TTC7A: variants seen among roughly 807,000 people sequenced by gnomAD.
TTC7A encodes tetratricopeptide repeat protein 7A.
In TTC7A, 110 loss-of-function variants were observed where a neutral mutation model predicts 103.7. The ratio of observed to expected loss-of-function variants is 1.06; its 90% CI spans 0.91 to 1.24. TTC7A has a LOEUF of 1.24. Ranked by LOEUF, TTC7A falls within the 50% of genes most tolerant of loss-of-function variation. The pLI is 0.00. For missense variants in TTC7A, 1,340 were observed against 1,116.3 expected (o/e 1.20, Z -2.86); for synonymous variants, 521 against 467.9 (o/e 1.11, Z -1.47).
In TTC7A at chr2:47,012,223, C is replaced by A. The variant is rs112701300; in HGVS notation, c.1392+788C>A. On this transcript the variant is annotated intron_variant, in intron 11 of 19. Transcript: ENST00000319190. ...CAATGGGGCCTCTGTGCAGGTATCTCTTCCGACTGGGGGCCCACTTCTGGA... is the reference window on the plus strand; with the variant it reads ...CAATGGGGCCTCTGTGCAGGTATCTATTCCGACTGGGGGCCCACTTCTGGA... Among the ~76,000 whole-genome samples the A allele has an allele frequency of 2.0e-3, 300 of 152,382 alleles. 1 individual carries two copies. Among genetic ancestry groups the A allele is most frequent in the African/African-American group, 6.8e-3 (284 of 41,604 alleles).
rs1019441985 is a variant in TTC7A at position 47,069,019 on chromosome 2, G to T, written c.2356-4683G>T. 2.6e-5 allele frequency among the ~76,000 whole-genome samples: 4 copies of T among 152,030 alleles called. No homozygotes were observed. In the East Asian group the frequency reaches 7.7e-4, roughly 29 times the overall value. ...CCCAGAGAGGGGACCTTCTGTGACT[G>T]GGCCCCCTTCTCACTCCCCATCACG... is the stretch of plus-strand genomic sequence containing the variant. On this transcript the variant is annotated intron_variant, in intron 19 of 19. Coordinates refer to ENST00000319190, the MANE Select transcript of TTC7A (RefSeq NM_020458.4).
At chr2:47,072,134 C>T (rs953555705) in intron 19 of TTC7A, among the ~76,000 whole-genome samples, 16 of 152,216 alleles carry the variant, frequency 1.1e-4, no homozygotes, top group Admixed American at 3.3e-4. Flanking sequence ...AGGCCTGGTG[C>T]CCTGCTGGCC....
rs921422469 is a variant in TTC7A, at chr2:46,944,061, CT to C, written c.184+2338del. ...TCACCACCCAACCAGGGGTAAGGTG[CT>C]TGCTACTGTCTCCTCACTCACATCC... is the stretch of plus-strand genomic sequence containing the variant. On this transcript the variant is annotated intron_variant, in intron 1 of 19. Coordinates refer to ENST00000319190, the MANE Select transcript of TTC7A (RefSeq NM_020458.4). 1.9e-3 allele frequency among the ~76,000 whole-genome samples: 288 copies of C among 152,228 alleles called. 2 individuals carry two copies. Among genetic ancestry groups the C allele is most frequent in the African/African-American group, 6.6e-3 (275 of 41,518 alleles).
intron 2 of TTC7A, among the ~76,000 whole-genome samples, chr2:46,923,621 A>T (rs1669225810): frequency 6.6e-6 from 1 of 152,162 alleles, no homozygotes; most frequent in South Asian, 2.1e-4. Flanking sequence ...ACCAGGTGTG[A>T]TGGTTCATGC....
intron 11 of TTC7A, among the ~76,000 whole-genome samples, chr2:47,014,251 G>T (rs1678391812): frequency 6.6e-6 from 1 of 152,154 alleles, no homozygotes; most frequent in African/African-American, 2.4e-5. Flanking sequence ...CCTACATATA[G>T]TAGGTGCTAT....
At chr2:47,046,669 G>A in intron 16 of TTC7A, 1 of 512,864 alleles carries the variant, frequency 1.9e-6, no homozygotes, top group South Asian at 2.5e-5. Context: ...GTGGTAAGAA[G>A]GAAGAGAAAT....
intron 19 of TTC7A, chr2:47,068,622 G>A (rs1684382199): frequency 6.6e-6 from 1 of 151,748 alleles, no homozygotes. Flanking sequence ...GGGGTATGAG[G>A]GTGTGTCCCC....
chr2:46,932,020 A>C lies in TTC7A; in HGVS notation c.82+14743A>C, dbSNP rs890074037. Among the ~76,000 whole-genome samples, 6 of 152,226 alleles carry C rather than the reference A, an allele frequency of 3.9e-5. No individual in the cohort carries two copies. The East Asian group carries it at 1.2e-3, about 29-fold the overall frequency. On this transcript the variant is annotated intron_variant, in intron 2 of 20. Transcript: ENST00000409245. ...AGAAAAATCATATGACAATCTCAGT[A>C]AGTGCAAAGAAGTATTCGTAAAATT...
intron 18 of TTC7A, among the ~76,000 whole-genome samples, chr2:47,052,633 G>C (rs923502286): frequency 6.6e-6 from 1 of 152,210 alleles, no homozygotes; most frequent in Non-Finnish European, 1.5e-5. Flanking sequence ...CCTGACAGTA[G>C]TGTGAGAGGT....
chr2:47,020,617 G>T (rs1253002738), intron 11 of TTC7A, among the ~76,000 whole-genome samples: 2 of 152,240 alleles, frequency 1.3e-5, no homozygotes, highest in Non-Finnish European at 1.5e-5. Flanking sequence ...GCTGAGTCGG[G>T]CATGGTGGGC....
At chr2:46,992,779 T>C (rs1302857586) in intron 5 of TTC7A, among the ~76,000 whole-genome samples, 1 of 152,050 alleles carries the variant, frequency 6.6e-6, no homozygotes, top group African/African-American at 2.4e-5. Context: ...GGGGTAGAGG[T>C]AGAAGGAAAA....
chr2:46,994,376 C>A lies in TTC7A; in HGVS notation c.863C>A (p.Ala288Glu). Residue 288 changes from alanine (A) to glutamate (E), a missense_variant, in exon 7 of 20, where the codon GCG becomes GAG. Ala to Glu is a moderately radical substitution (Grantham distance 107). Transcript: ENST00000319190. Reference sequence around the variant, plus strand: ...TGCCAGATGGCGGCCAAGCACCTGGCGGGGGTCCTGCTGCACTCCCTGAGT... The same window carrying A: ...TGCCAGATGGCGGCCAAGCACCTGGAGGGGGTCCTGCTGCACTCCCTGAGT... The part of the protein sequence containing the change: ...NFKVMAAKHL[A>E]GVLLHSLSEE... The A allele has an allele frequency of 6.2e-7, 1 of 1,612,942 alleles. No individual in the cohort carries two copies. Among genetic ancestry groups the A allele is most frequent in the Non-Finnish European group, 8.5e-7 (1 of 1,179,392 alleles).
rs1044545554 is a variant in TTC7A at position 47,007,503 on chromosome 2, A to G, written c.1287+779A>G. 6.6e-6 allele frequency among the ~76,000 whole-genome samples: 1 copy of G among 152,198 alleles called. No individual in the cohort carries two copies. Among genetic ancestry groups the G allele is most frequent in the African/African-American group, 2.4e-5 (1 of 41,444 alleles). Reference sequence around the variant, plus strand: ...ATTGTTCCAGGAGCTGTAAATATCCAGAGCCCTTTCATGGGGCTGAGGGAA... The same window carrying G: ...ATTGTTCCAGGAGCTGTAAATATCCGGAGCCCTTTCATGGGGCTGAGGGAA... On this transcript the variant is annotated intron_variant, in intron 10 of 19. Transcript: ENST00000319190. The surrounding 1 kb of genome is among the most constrained non-coding windows in gnomAD (Gnocchi z 4.9).
intron 3 of TTC7A, among the ~76,000 whole-genome samples, chr2:46,958,190 C>T (rs944950332): frequency 6.6e-6 from 1 of 152,162 alleles, no homozygotes; most frequent in Non-Finnish European, 1.5e-5. Flanking sequence ...TGAGGGGGTT[C>T]GCCCACCCAA....
chr2:47,071,937 G>A (rs144686137), intron 19 of TTC7A, among the ~76,000 whole-genome samples: 1 of 152,366 alleles, frequency 6.6e-6, no homozygotes, highest in African/African-American at 2.4e-5. Context: ...GGCCTTGCCG[G>A]CCTTTCCCTT....
At chr2:46,916,035 T>G (rs182467792), upstream of TTC7A, 90 of 985,396 alleles carry the variant, frequency 9.1e-5, 1 homozygote, top group African/African-American at 1.4e-3. Flanking sequence ...CTGGACGCCC[T>G]AGGGGCCCGG....
intron 10 of TTC7A, among the ~76,000 whole-genome samples, chr2:47,009,930 C>T (rs1361492854): frequency 1.7e-5 from 2 of 116,182 alleles, no homozygotes; most frequent in East Asian, 2.4e-4. Flanking sequence ...GGGGAGGGGG[C>T]GCGCAGGGAA....
chr2:46,982,860 G>A (rs1009858636), intron 5 of TTC7A, among the ~76,000 whole-genome samples: 1 of 152,048 alleles, frequency 6.6e-6, no homozygotes, highest in Non-Finnish European at 1.5e-5. Flanking sequence ...CTAGCTGCTC[G>A]GGAGGCTGAG....
rs150578101 is a variant in TTC7A at position 46,994,391 on chromosome 2, A to C, written c.878A>C (p.His293Pro). 9 of 1,613,350 alleles carry C rather than the reference A, an allele frequency of 5.6e-6. No individual in the cohort carries two copies. The African/African-American group carries it at 8.0e-5, about 14-fold the overall frequency. ...AAGCACCTGGCGGGGGTCCTGCTGC[A>C]CTCCCTGAGTGAGGAGTGCTACTGG... ...AAKHLAGVLL[H>P]SLSEECYWSP... The change falls in exon 7 of 20, where the codon CAC becomes CCC. Residue 293 changes from histidine to proline, a missense_variant. By Grantham distance (77) the His-to-Pro change is moderately conservative (BLOSUM62 -2). Coordinates refer to ENST00000319190, the MANE Select transcript of TTC7A (RefSeq NM_020458.4).
Sources: allele counts gnomAD v4.1 joint callset (sites outside exome capture counted in the v4.1 genomes callset), GRCh38; gene constraint gnomAD v4.1.1; non-coding constraint Gnocchi (gnomAD v3.1); transcripts MANE v1.5; gene names NCBI Gene and HGNC (gene_info 2026-07-23, HGNC 2026-07-21).